DIAPH3: variants seen among roughly 807,000 people sequenced by gnomAD.
The protein encoded by DIAPH3 is protein diaphanous homolog 3.
In DIAPH3, 117 loss-of-function variants were observed where a neutral mutation model predicts 144.3. The ratio of observed to expected loss-of-function variants is 0.81; its 90% CI spans 0.70 to 0.95. DIAPH3 has a LOEUF of 0.95. DIAPH3 is among the 40% of genes least tolerant of loss of function. The pLI, the probability that DIAPH3 is intolerant of heterozygous loss-of-function variation, is 0.00. For missense variants in DIAPH3, 1,421 were observed against 1,412.7 expected, an observed-to-expected ratio of 1.01 and a Z score of -0.09; for synonymous variants, 519 against 488.9, an observed-to-expected ratio of 1.06 and a Z score of -0.81.
At chr13:59,792,063 T>C (rs2039356352) in intron 25 of DIAPH3, among the ~76,000 whole-genome samples, 1 of 152,166 alleles carries the variant, frequency 6.6e-6, no homozygotes. Flanking sequence ...ACTACCTCAA[T>C]TTCTTCACCA....
chr13:59,748,309 G>C (rs1347578044), intron 27 of DIAPH3, among the ~76,000 whole-genome samples: 1 of 152,182 alleles, frequency 6.6e-6, no homozygotes, highest in Non-Finnish European at 1.5e-5. Flanking sequence ...CTAGAGGGCT[G>C]CTGTGGCTTG....
At chr13:59,886,172 T>A (rs904073940) in intron 20 of DIAPH3, among the ~76,000 whole-genome samples, 2 of 152,142 alleles carry the variant, frequency 1.3e-5, no homozygotes, top group African/African-American at 4.8e-5. Flanking sequence ...TATCTTTTCA[T>A]GTTTAGGTCC....
At chr13:59,759,102 C>T (rs1005296977) in intron 27 of DIAPH3, among the ~76,000 whole-genome samples, 1 of 151,782 alleles carries the variant, frequency 6.6e-6, no homozygotes, top group African/African-American at 2.4e-5. Context: ...CAGTGATAGT[C>T]TTTTATTTCT....
At chr13:60,002,004 T>C (rs1566639034) in intron 9 of DIAPH3, among the ~76,000 whole-genome samples, 1 of 152,194 alleles carries the variant, frequency 6.6e-6, no homozygotes, top group Non-Finnish European at 1.5e-5. Flanking sequence ...AGGATTGTTA[T>C]GAAGAAAGAA....
intron 27 of DIAPH3, among the ~76,000 whole-genome samples, chr13:59,704,217 TG>T (rs1377084071): frequency 7.2e-5 from 11 of 152,366 alleles, no homozygotes; most frequent in Non-Finnish European, 1.5e-5. Flanking sequence ...TTTGCCAGTC[TG>T]GCCCCACACA....
chr13:60,114,656 C>CACACACACACACACAA (rs2058656627), intron 2 of DIAPH3, among the ~76,000 whole-genome samples: 1 of 151,460 alleles, frequency 6.6e-6, no homozygotes, highest in Non-Finnish European at 1.5e-5. Flanking sequence ...CACACACACA[C>CACACACACACACACAA]ACACACACAC....
intron 27 of DIAPH3, among the ~76,000 whole-genome samples, chr13:59,763,305 T>C (rs1186071267): frequency 1.3e-5 from 2 of 149,934 alleles, no homozygotes; most frequent in South Asian, 2.1e-4. Flanking sequence ...TGTATATACA[T>C]GTGTATATAT....
intron 25 of DIAPH3, among the ~76,000 whole-genome samples, chr13:59,795,936 G>A (rs1176248323): frequency 3.3e-5 from 5 of 152,154 alleles, no homozygotes; most frequent in African/African-American, 9.7e-5. Flanking sequence ...CTTTCATCAG[G>A]GGGTAAGTGC....
At chr13:60,098,351 C>A (rs2058169956) in intron 3 of DIAPH3, among the ~76,000 whole-genome samples, 1 of 152,014 alleles carries the variant, frequency 6.6e-6, no homozygotes, top group Non-Finnish European at 1.5e-5. Context: ...CAGAAACCAG[C>A]CTCAACAACC....
At chr13:60,137,742 C>CT (rs35703399) in intron 1 of DIAPH3, among the ~76,000 whole-genome samples, 30,277 of 125,692 alleles carry the variant, frequency 0.24, 3,977 homozygotes, top group Non-Finnish European at 0.27. Flanking sequence ...TTAAAATTGA[C>CT]TTTTTTTTTT....
chr13:59,942,064 A>G (rs1031897898), intron 17 of DIAPH3, among the ~76,000 whole-genome samples: 15 of 152,182 alleles, frequency 9.9e-5, no homozygotes, highest in African/African-American at 3.6e-4. Context: ...CTAAGCCTGA[A>G]GAAGATATAT....
At chr13:59,940,386 T>C (rs567748284) in intron 17 of DIAPH3, among the ~76,000 whole-genome samples, 52 of 152,238 alleles carry the variant, frequency 3.4e-4, no homozygotes, top group African/African-American at 1.3e-3. Flanking sequence ...TTCATGAAAA[T>C]GTCAGAAAGT....
chr13:59,812,248 GCATCCATCCATCCATCCATCCATC>G (rs67202819), intron 24 of DIAPH3, among the ~76,000 whole-genome samples: 11 of 150,136 alleles, frequency 7.3e-5, no homozygotes, highest in Admixed American at 1.3e-4. Flanking sequence ...ATGCATGCAT[GCATCCATCCATCCATCCATCCATC>G]CATCCATCCA....
At chr13:60,120,264 G>C (rs2058813441) in intron 2 of DIAPH3, among the ~76,000 whole-genome samples, 1 of 152,172 alleles carries the variant, frequency 6.6e-6, no homozygotes, top group Non-Finnish European at 1.5e-5. Context: ...GTTTTACAAA[G>C]ATGTATCACT....
At chr13:59,993,038 C>T (rs976207244) in intron 9 of DIAPH3, among the ~76,000 whole-genome samples, 1 of 151,720 alleles carries the variant, frequency 6.6e-6, no homozygotes, top group Non-Finnish European at 1.5e-5. Context: ...TCAAGGTCAA[C>T]AAGGGTCTTA....
rs953491737 is a variant in DIAPH3 at position 60,093,490 on chromosome 13, A to G, written c.495+138T>C. ...TTTAATTTAAACAAATGTATAATATACTTGTGCCCTTAATTATACATTCAG... is the reference window on the plus strand; with the variant it reads ...TTTAATTTAAACAAATGTATAATATGCTTGTGCCCTTAATTATACATTCAG... On this transcript the variant is annotated intron_variant, in intron 4 of 27. Coordinates refer to ENST00000400324, the MANE Select transcript of DIAPH3 (RefSeq NM_001042517.2). 4.7e-6 allele frequency: 3 copies of G among 640,482 alleles called. No individual in the cohort carries two copies. In the African/African-American group the frequency reaches 5.5e-5, roughly 12 times the overall value. 39.7% of individuals were successfully genotyped at this position (640,482 alleles called of 1,614,324 possible). A position where few individuals can be genotyped will look rare whatever the true frequency, so the allele number is the denominator to read the frequency against.
intron 22 of DIAPH3, among the ~76,000 whole-genome samples, chr13:59,843,956 C>T (rs971306584): frequency 1.3e-5 from 2 of 151,952 alleles, no homozygotes; most frequent in Non-Finnish European, 2.9e-5. Flanking sequence ...GTATGAGTGG[C>T]GGGCAGGAGG....
At position 59,798,643 on chromosome 13, in the gene DIAPH3, C is replaced by A. The variant is rs145655006; in HGVS notation, c.3163+12145G>T. On this transcript the variant is annotated intron_variant, in intron 25 of 27. Coordinates refer to ENST00000400324, the MANE Select transcript of DIAPH3 (RefSeq NM_001042517.2). The stretch of plus-strand genomic sequence containing the variant: ...TGCTCAGATGTCAATCCATCCTCCT[C>A]TCTCCCACCCCAATGTGAGAGCCAA... Among the ~76,000 whole-genome samples, 4 of 152,322 alleles carry A rather than the reference C, an allele frequency of 2.6e-5. No individual in the cohort carries two copies. The East Asian group carries it at 7.7e-4, about 29-fold the overall frequency.
intron 3 of DIAPH3, among the ~76,000 whole-genome samples, chr13:60,099,958 A>C (rs2058222164): frequency 6.9e-6 from 1 of 145,254 alleles, no homozygotes; most frequent in Non-Finnish European, 1.5e-5. Context: ...GAAGGAAGGA[A>C]GGAAGGAAGG....
Sources: allele counts gnomAD v4.1 joint callset (sites outside exome capture counted in the v4.1 genomes callset), GRCh38; gene constraint gnomAD v4.1.1; transcripts MANE v1.5; gene names NCBI Gene and HGNC (gene_info 2026-07-23, HGNC 2026-07-21).